ADAP1: variants seen among roughly 807,000 people sequenced by gnomAD.
ADAP1 encodes the protein ArfGAP with dual PH domains 1, also known as arf-GAP with dual PH domain-containing protein 1.
Under a neutral mutation model 54.9 loss-of-function variants are expected in ADAP1, and 31 were observed. The ratio of observed to expected loss-of-function variants is 0.56; its 90% CI spans 0.42 to 0.76. The LOEUF is 0.76. Among genes scored for constraint, ADAP1 ranks in the 30% least tolerant of loss-of-function variants. The pLI is 0.00. For missense variants in ADAP1, 535 were observed against 512.4 expected (o/e 1.04, Z -0.42); for synonymous variants, 313 against 202.6 (o/e 1.55, Z -4.63).
chr7:928,091 A>C (rs901350003), intron 2 of ADAP1, among the ~76,000 whole-genome samples: 2 of 150,918 alleles, frequency 1.3e-5, no homozygotes, highest in East Asian at 3.9e-4. Flanking sequence ...GTGATGGCGC[A>C]CACCTGTAGT....
rs928370328 is a variant in ADAP1, at chr7:954,590, C to A, written c.-113G>T. ...GCCGCCGCCCCTGCGCCATCCCGGG[C>A]GGCCTCAGCCCGCGCGCCGGTTCCG... On this transcript the variant is annotated 5_prime_UTR_variant, in exon 1 of 11. Transcript: ENST00000265846. 11 of 984,984 alleles carry A rather than the reference C, an allele frequency of 1.1e-5. No individual in the cohort carries two copies. The African/African-American group carries it at 1.8e-4, about 16-fold the overall frequency. The allele number at this position is 984,984 out of a possible 1,614,324, so 61.0% of individuals were successfully genotyped here.
chr7:954,659 C>T lies in ADAP1; in HGVS notation c.-182G>A. 1.0e-6 allele frequency: 1 copy of T among 982,574 alleles called. No individual in the cohort carries two copies. The highest frequency in any genetic ancestry group is 1.2e-6 in the Non-Finnish European group (1 of 829,308). The allele number at this position is 982,574 out of a possible 1,614,324, so 60.9% of individuals were successfully genotyped here. ...GGCTCCGCCGCCGCCGCTCGTGTCT[C>T]CGCCGCGGTCGCTGAGCGAGTGCCG... On this transcript the variant is annotated 5_prime_UTR_variant, in exon 1 of 11. Coordinates refer to ENST00000265846, the MANE Select transcript of ADAP1 (RefSeq NM_006869.4).
chr7:935,819 C>A (rs1393462278), intron 1 of ADAP1, among the ~76,000 whole-genome samples: 1 of 152,194 alleles, frequency 6.6e-6, no homozygotes, highest in African/African-American at 2.4e-5. Context: ...ATGCCCCGGG[C>A]TGGAGGGCAC....
At chr7:924,133 G>A (rs1407996557) in intron 3 of ADAP1, among the ~76,000 whole-genome samples, 3 of 76,514 alleles carry the variant, frequency 3.9e-5, no homozygotes, top group Non-Finnish European at 7.2e-5. Context: ...TGCACCCCCC[G>A]CCCTCCGGGT....
At chr7:930,960 A>G in intron 2 of ADAP1, among the ~76,000 whole-genome samples, 1 of 148,670 alleles carries the variant, frequency 6.7e-6, no homozygotes. Context: ...AGCCTGGGCG[A>G]CAGAGTCAGA....
Position 920,514 on chromosome 7 carries a change from GCACCCCCCGTGCCGCCCTC to G in ADAP1, c.306-483_306-465del, listed in dbSNP as rs1032210608. Among the ~76,000 whole-genome samples the G allele has an allele frequency of 2.0e-5, 3 of 150,220 alleles. No individual in the cohort carries two copies. Among genetic ancestry groups the G allele is most frequent in the African/African-American group, 4.9e-5 (2 of 40,710 alleles). ...CCTCCACCCACCGTGCTGCCACCTT[GCACCCCCCGTGCCGCCCTC>G]CACCCGCCGTGCCGCCCTCCACGTG... is the stretch of plus-strand genomic sequence containing the variant. On this transcript the variant is annotated intron_variant, in intron 3 of 10. Coordinates refer to ENST00000265846, the MANE Select transcript of ADAP1 (RefSeq NM_006869.4). This position sits in a 1 kb window ranked among gnomAD's most constrained non-coding sequence, Gnocchi z 4.5.
chr7:910,180 G>GT (rs1845664514), intron 4 of ADAP1, among the ~76,000 whole-genome samples: 1 of 152,222 alleles, frequency 6.6e-6, no homozygotes, highest in Non-Finnish European at 1.5e-5. Flanking sequence ...TTCCACCACA[G>GT]TGAAGCGCGC....
At position 945,729 on chromosome 7, in the gene ADAP1, TC is replaced by T; in HGVS notation, c.82+8666del. ...GACTGCCCACAGCCGCCAGCCTCTT[TC>T]CCTCCCTCCTCCCAGCCCCGCTCTG... On this transcript the variant is annotated intron_variant, in intron 1 of 10. Transcript: ENST00000265846. The surrounding 1 kb of genome is among the most constrained non-coding windows in gnomAD (Gnocchi z 4.2). 9.1e-6 allele frequency: 9 copies of T among 985,790 alleles called. No individual in the cohort carries two copies. Among genetic ancestry groups the T allele is most frequent in the Non-Finnish European group, 1.1e-5 (9 of 830,088 alleles). The allele number at this position is 985,790 out of a possible 1,614,324, so 61.1% of individuals were successfully genotyped here. A position where few individuals can be genotyped will look rare whatever the true frequency, so the allele number is the denominator to read the frequency against.
At chr7:928,864 G>A (rs1263738347) in intron 2 of ADAP1, among the ~76,000 whole-genome samples, 4 of 152,244 alleles carry the variant, frequency 2.6e-5, no homozygotes. Context: ...ACGCGAAGAC[G>A]CAGAGACATG....
chr7:921,908 C>G (rs950576941), intron 3 of ADAP1, among the ~76,000 whole-genome samples: 3 of 152,184 alleles, frequency 2.0e-5, no homozygotes, highest in Admixed American at 1.3e-4. Context: ...CCCACAGGGT[C>G]GGCAGCCCTG....
At position 926,591 on chromosome 7, in the gene ADAP1, T is replaced by C; in HGVS notation, c.267A>G (p.Val89=). 1 of 1,540,168 alleles carries C rather than the reference T, an allele frequency of 6.5e-7. No individual in the cohort carries two copies. Among genetic ancestry groups the C allele is most frequent in the Non-Finnish European group, 8.7e-7 (1 of 1,143,842 alleles). The change falls in exon 3 of 11, where the codon GTA becomes GTG. Residue 89 remains valine, a synonymous_variant. Coordinates refer to ENST00000265846, the MANE Select transcript of ADAP1 (RefSeq NM_006869.4). This position sits in a 1 kb window ranked among gnomAD's most constrained non-coding sequence, Gnocchi z 4.6. ...GCGTGGGCCGGTAGTAGAAGGAGGG[T>C]ACTTTGGACTCAAACCTGGCTCTCG... ...DAARARFESK[V]PSFYYRPTPS...
At position 920,537 on chromosome 7, in the gene ADAP1, C is replaced by CTG. The variant is rs1846152863; in HGVS notation, c.306-488_306-487insCA. 6.6e-6 allele frequency among the ~76,000 whole-genome samples: 1 copy of CTG among 151,758 alleles called. No homozygotes were observed. The highest frequency in any genetic ancestry group is 1.5e-5 in the Non-Finnish European group (1 of 67,938). Reference sequence around the variant, plus strand: ...TTGCACCCCCCGTGCCGCCCTCCACCCGCCGTGCCGCCCTCCACGTGGTTC... The same window carrying CTG: ...TTGCACCCCCCGTGCCGCCCTCCACCTGCGCCGTGCCGCCCTCCACGTGGTTC... On this transcript the variant is annotated intron_variant, in intron 3 of 10. Coordinates refer to ENST00000265846, the MANE Select transcript of ADAP1 (RefSeq NM_006869.4). This position sits in a 1 kb window ranked among gnomAD's most constrained non-coding sequence, Gnocchi z 4.5.
intron 8 of ADAP1, 140 bp from the exon 9 acceptor site, chr7:899,630 C>G (rs924174267): frequency 2.1e-6 from 2 of 969,994 alleles, no homozygotes; most frequent in South Asian, 1.7e-5. Context: ...CCGCTGGCCA[C>G]GCCCCACGAG....
At chr7:935,741 T>C (rs543572681) in intron 1 of ADAP1, among the ~76,000 whole-genome samples, 2 of 151,270 alleles carry the variant, frequency 1.3e-5, no homozygotes, top group African/African-American at 4.8e-5. Flanking sequence ...AGGAAGCCGA[T>C]CTGCATGCAC....
chr7:913,894 C>T (rs570247129), intron 4 of ADAP1, among the ~76,000 whole-genome samples: 151 of 152,322 alleles, frequency 9.9e-4, no homozygotes, highest in South Asian at 9.1e-3. Flanking sequence ...GAGACCGCAC[C>T]ATTGCACCGC....
intron 1 of ADAP1, among the ~76,000 whole-genome samples, chr7:939,348 T>C (rs1412222473): frequency 1.3e-5 from 2 of 151,946 alleles, no homozygotes; most frequent in African/African-American, 4.8e-5. Flanking sequence ...GCCTCCCGAG[T>C]AGCTGGGATT....
Position 926,520 on chromosome 7 carries a change from AC to A in ADAP1, c.305+32del, listed in dbSNP as rs774882779. ...CCATCTCGGAGCCACCCAGCACTTG[AC>A]CATGGCCCTGACAAGGCCCCTTTGT... On this transcript the variant is annotated intron_variant, in intron 3 of 10. Transcript: ENST00000265846. The surrounding 1 kb of genome is among the most constrained non-coding windows in gnomAD (Gnocchi z 4.6). 6 of 1,502,718 alleles carry A rather than the reference AC, an allele frequency of 4.0e-6. No homozygotes were observed. The highest frequency in any genetic ancestry group is 5.3e-6 in the Non-Finnish European group (6 of 1,125,558). 93.1% of individuals were successfully genotyped at this position (1,502,718 alleles called of 1,614,324 possible).
chr7:932,728 G>C (rs940452551), intron 2 of ADAP1, among the ~76,000 whole-genome samples: 3 of 152,136 alleles, frequency 2.0e-5, no homozygotes, highest in African/African-American at 7.2e-5. Context: ...CGAAGGGACG[G>C]ATATCACATC....
In ADAP1 at chr7:900,828, G is replaced by T. The variant is rs180706716; in HGVS notation, c.649-212C>A. 2.1e-3 allele frequency: 1,350 copies of T among 643,958 alleles called. 17 individuals are homozygous for T. In the African/African-American group the frequency reaches 0.022, roughly 10 times the overall value. The allele number at this position is 643,958 out of a possible 1,614,324, so 39.9% of individuals were successfully genotyped here. On this transcript the variant is annotated intron_variant, in intron 6 of 10. Transcript: ENST00000265846. ...TGCTACACAGGGGCTGCCCCTCTGC[G>T]GGAGGGCAGGTGCAGCCTCCCCCGG...
Sources: allele counts gnomAD v4.1 joint callset (sites outside exome capture counted in the v4.1 genomes callset), GRCh38; gene constraint gnomAD v4.1.1; non-coding constraint Gnocchi (gnomAD v3.1); transcripts MANE v1.5; gene names NCBI Gene and HGNC (gene_info 2026-07-23, HGNC 2026-07-21).